PRRC2C: variants seen among roughly 807,000 people sequenced by gnomAD.
PRRC2C encodes the protein proline rich coiled-coil 2C.
A neutral mutation model predicts 317.2 loss-of-function variants in PRRC2C; 72 were observed. The ratio of observed to expected loss-of-function variants is 0.23; its 90% CI spans 0.19 to 0.28. PRRC2C has a LOEUF of 0.28. Ranked by LOEUF, PRRC2C falls within the 10% of genes least tolerant of loss-of-function variation. The pLI, the probability that PRRC2C is intolerant of heterozygous loss-of-function variation, is 1.00. For missense variants in PRRC2C, 3,074 were observed against 3,459.7 expected, an observed-to-expected ratio of 0.89 and a Z score of 2.80; for synonymous variants, 1,296 against 1,205.9, an observed-to-expected ratio of 1.07 and a Z score of -1.55.
intron 18 of PRRC2C, among the ~76,000 whole-genome samples, chr1:171,551,157 A>G (rs1447521556): frequency 6.6e-6 from 1 of 152,170 alleles, no homozygotes. Flanking sequence ...AATGATTGCC[A>G]TTCTAACTGG....
rs1678987429 is a variant in PRRC2C at position 171,545,728 on chromosome 1, T to TATTC, written c.4972+44_4972+45insCATT. The TATTC allele has an allele frequency of 1.4e-5, 15 of 1,089,074 alleles. 1 individual carries two copies. The East Asian group carries it at 1.9e-4, about 14-fold the overall frequency. The allele number at this position is 1,089,074 out of a possible 1,614,324, so 67.5% of individuals were successfully genotyped here. The stretch of plus-strand genomic sequence containing the variant: ...CTTTCATTTTATTTATTTATTTATT[T>TATTC]ATTTATTTATTTATTTATTTGCTAC... On this transcript the variant is annotated intron_variant, in intron 17 of 34. Transcript: ENST00000647382.
chr1:171,523,604 T>C, intron 9 of PRRC2C, 82 bp downstream of exon 9: 2 of 1,149,476 alleles, frequency 1.7e-6, no homozygotes, highest in East Asian at 2.5e-5. Flanking sequence ...GCTTTGTTAA[T>C]AGACAATTGT....
chr1:171,503,406 C>T (rs1669541370), intron 1 of PRRC2C, among the ~76,000 whole-genome samples: 1 of 151,950 alleles, frequency 6.6e-6, no homozygotes, highest in Non-Finnish European at 1.5e-5. Context: ...TGCCTGTAGT[C>T]CCAGCTACTT....
chr1:171,588,287 A>G, intron 32 of PRRC2C, 92 bp from the exon 33 acceptor site: 1 of 1,387,674 alleles, frequency 7.2e-7, no homozygotes, highest in Non-Finnish European at 1.0e-6. Context: ...ACTACCAAGT[A>G]TGATGAAAAT....
Position 171,583,462 on chromosome 1 carries a change from C to G in PRRC2C, c.7410-494C>G, listed in dbSNP as rs533909114. 3.9e-5 allele frequency among the ~76,000 whole-genome samples: 6 copies of G among 152,268 alleles called. No individual in the cohort carries two copies. The South Asian group carries it at 1.2e-3, about 32-fold the overall frequency. On this transcript the variant is annotated intron_variant, in intron 28 of 34. Coordinates refer to ENST00000647382, the MANE Select transcript of PRRC2C (RefSeq NM_001387844.1). ...AGGTCTTCAGGGGCAGTAACACATA[C>G]AGAGCTGTCATGTCCTATGATAACA...
At position 171,588,369 on chromosome 1, in the gene PRRC2C, T is replaced by G. The variant is rs903421083; in HGVS notation, c.8073-10T>G. 6.2e-7 allele frequency: 1 copy of G among 1,613,304 alleles called. No homozygotes were observed. Among genetic ancestry groups the G allele is most frequent in the Non-Finnish European group, 8.5e-7 (1 of 1,179,496 alleles). On this transcript the variant is annotated splice_polypyrimidine_tract_variant and intron_variant, in intron 32 of 34. Coordinates refer to ENST00000647382, the MANE Select transcript of PRRC2C (RefSeq NM_001387844.1). ...ATTACTATACTGACTAGTAATGGCT[T>G]CTTTCCAAGGGCTACTTCTACAAGT...
intron 5 of PRRC2C, among the ~76,000 whole-genome samples, chr1:171,516,573 A>G (rs1328638239): frequency 6.6e-6 from 1 of 152,166 alleles, no homozygotes; most frequent in African/African-American, 2.4e-5. Flanking sequence ...TGACTCCTCT[A>G]TTTTGTTCAG....
Position 171,575,055 on chromosome 1 carries a change from T to C in PRRC2C, c.6882T>C (p.Asn2294=), listed in dbSNP as rs1685457670. ...SSSASGPSTA[N]YNSFSSASMP... Reference sequence around the variant, plus strand: ...GTGCCAGTGGACCAAGCACTGCTAATTACAATTCGTTCTCAAGTGCATCCA... The same window carrying C: ...GTGCCAGTGGACCAAGCACTGCTAACTACAATTCGTTCTCAAGTGCATCCA... The change falls in exon 25 of 35, where the codon AAT becomes AAC. Residue 2294 remains asparagine (N), a synonymous_variant. Coordinates refer to ENST00000647382, the MANE Select transcript of PRRC2C (RefSeq NM_001387844.1). 6.2e-7 allele frequency: 1 copy of C among 1,613,920 alleles called. No homozygotes were observed. Among genetic ancestry groups the C allele is most frequent in the Non-Finnish European group, 8.5e-7 (1 of 1,179,866 alleles).
At chr1:171,550,057 AT>A in intron 17 of PRRC2C, 28 bp from the exon 18 acceptor site, 1 of 1,523,266 alleles carries the variant, frequency 6.6e-7, no homozygotes, top group African/African-American at 1.4e-5. Flanking sequence ...AAAACAGAAA[AT>A]ATCTTAAATC....
chr1:171,502,353 C>T (rs951125029), intron 1 of PRRC2C, among the ~76,000 whole-genome samples: 2 of 152,076 alleles, frequency 1.3e-5, no homozygotes, highest in African/African-American at 4.8e-5. Context: ...TGGCATGGGG[C>T]CTTGACATAC....
intron 30 of PRRC2C, among the ~76,000 whole-genome samples, chr1:171,586,764 T>C (rs1256446550): frequency 6.6e-6 from 1 of 151,334 alleles, no homozygotes; most frequent in African/African-American, 2.4e-5. Context: ...TATTTTTTTT[T>C]TTTAGTAGAG....
At chr1:171,570,523 A>C (rs1214151855) in intron 23 of PRRC2C, among the ~76,000 whole-genome samples, 1 of 152,196 alleles carries the variant, frequency 6.6e-6, no homozygotes, top group African/African-American at 2.4e-5. Context: ...AGTATCACAA[A>C]GTGATTATCT....
At chr1:171,588,550 A>AGT (rs1211852687) in intron 33 of PRRC2C, 45 bp downstream of exon 33, 1 of 1,573,242 alleles carries the variant, frequency 6.4e-7, no homozygotes, top group Admixed American at 1.8e-5. Context: ...ACTTAAAAAT[A>AGT]GTTGCTAATC....
At chr1:171,497,371 C>G (rs1313333158) in intron 1 of PRRC2C, among the ~76,000 whole-genome samples, 1 of 152,188 alleles carries the variant, frequency 6.6e-6, no homozygotes, top group African/African-American at 2.4e-5. Context: ...GTGTTTTGAG[C>G]AAATTACTTT....
In PRRC2C at chr1:171,532,915, A is replaced by G; in HGVS notation, c.1827A>G (p.Leu609=). ...AAATTGAACCCAGAGAACCTAATTT[A>G]GAGCCCATGGTAGAAAAACAAGAAA... ...EEKIEPREPN[L]EPMVEKQESE... Residue 609 remains leucine (L), a synonymous_variant, in exon 12 of 35, where the codon TTA becomes TTG. Transcript: ENST00000647382. 6.4e-7 allele frequency: 1 copy of G among 1,573,302 alleles called. No homozygotes were observed. The highest frequency in any genetic ancestry group is 8.5e-7 in the Non-Finnish European group (1 of 1,170,218).
intron 1 of PRRC2C, among the ~76,000 whole-genome samples, chr1:171,486,761 G>T (rs1028124371): frequency 3.9e-5 from 6 of 152,096 alleles, no homozygotes; most frequent in African/African-American, 4.8e-5. Context: ...AGGATTTTTT[G>T]ATTGTTGAGT....
At chr1:171,551,661 G>T (rs1249744806) in intron 18 of PRRC2C, among the ~76,000 whole-genome samples, 1 of 152,136 alleles carries the variant, frequency 6.6e-6, no homozygotes, top group Non-Finnish European at 1.5e-5. Flanking sequence ...AAGGGATCCA[G>T]TTTCAGCTTT....
At chr1:171,560,637 T>A (rs1320084495) in intron 19 of PRRC2C, among the ~76,000 whole-genome samples, 2 of 152,248 alleles carry the variant, frequency 1.3e-5, no homozygotes, top group Non-Finnish European at 2.9e-5. Flanking sequence ...GCTAAGATGA[T>A]GATTAGCTTC....
intron 1 of PRRC2C, among the ~76,000 whole-genome samples, chr1:171,495,424 G>A (rs1263384247): frequency 1.3e-5 from 2 of 152,184 alleles, no homozygotes; most frequent in Non-Finnish European, 2.9e-5. Context: ...CATATGCCAT[G>A]TTTACTTTCC....
Sources: gnomAD v4.1 joint callset for allele counts (sites outside exome capture counted in the v4.1 genomes callset) on GRCh38, gnomAD v4.1.1 for gene constraint, MANE v1.5 for transcripts, NCBI Gene and HGNC (gene_info 2026-07-23, HGNC 2026-07-21) for gene names.